Variants in FLT1 observed in about 807,000 individuals in gnomAD.
FLT1 encodes vascular endothelial growth factor receptor 1.
FLT1 carries 49 observed loss-of-function variants against 156.3 expected under a neutral mutation model. The ratio of observed to expected loss-of-function variants is 0.31; its 90% CI spans 0.25 to 0.40. FLT1 has a LOEUF of 0.40. Among genes scored for constraint, FLT1 ranks in the 10% least tolerant of loss-of-function variants. FLT1 has a pLI of 1.00. For missense variants in FLT1, 1,322 were observed against 1,637.2 expected (o/e 0.81, Z 3.32); for synonymous variants, 594 against 583.8 (o/e 1.02, Z -0.25).
At chr13:28,359,710 T>C (rs1044580035) in intron 14 of FLT1, among the ~76,000 whole-genome samples, 1 of 152,150 alleles carries the variant, frequency 6.6e-6, no homozygotes. Flanking sequence ...AATAATCCTA[T>C]TTAAAAATGG....
chr13:28,486,579 A>G (rs1290833005), intron 1 of FLT1, among the ~76,000 whole-genome samples: 1 of 152,228 alleles, frequency 6.6e-6, no homozygotes, highest in African/African-American at 2.4e-5. Context: ...AGCATAAGGC[A>G]GAAGCATAAG....
chr13:28,326,833 T>C (rs1871704440), intron 20 of FLT1, among the ~76,000 whole-genome samples: 1 of 152,146 alleles, frequency 6.6e-6, no homozygotes, highest in African/African-American at 2.4e-5. Flanking sequence ...CCCAATAATC[T>C]CTTTTAAACC....
At chr13:28,403,791 C>A (rs1475584012) in intron 11 of FLT1, among the ~76,000 whole-genome samples, 4 of 152,146 alleles carry the variant, frequency 2.6e-5, no homozygotes, top group Non-Finnish European at 5.9e-5. Context: ...TGCCTGTAAT[C>A]CCAGAACTTT....
At chr13:28,376,556 G>T (rs1873847822) in intron 14 of FLT1, among the ~76,000 whole-genome samples, 1 of 152,088 alleles carries the variant, frequency 6.6e-6, no homozygotes, top group African/African-American at 2.4e-5. Flanking sequence ...GCCTTTTAAT[G>T]ACTCTTTCAG....
In FLT1 at chr13:28,439,658, AGAAGGCAGTCATGT is replaced by A. The variant is rs1210569371; in HGVS notation, c.389-1327_389-1314del. Among the ~76,000 whole-genome samples, 1 of 152,246 alleles carries A rather than the reference AGAAGGCAGTCATGT, an allele frequency of 6.6e-6. No homozygotes were observed. The highest frequency in any genetic ancestry group is 1.9e-4 in the East Asian group (1 of 5,202). On this transcript the variant is annotated intron_variant, in intron 3 of 29. Coordinates refer to ENST00000282397, the MANE Select transcript of FLT1 (RefSeq NM_002019.4). The surrounding 1 kb of genome is among the most constrained non-coding windows in gnomAD (Gnocchi z 4.1). ...ATCCAATGTGATTAGCATCCTTGTA[AGAAGGCAGTCATGT>A]GAAGACAGACAGGGTGTGCAGACTC... is the stretch of plus-strand genomic sequence containing the variant.
chr13:28,490,828 AATG>A (rs570313866), intron 1 of FLT1, among the ~76,000 whole-genome samples: 1 of 152,200 alleles, frequency 6.6e-6, no homozygotes, highest in Admixed American at 6.5e-5. Flanking sequence ...TGCACTGAAA[AATG>A]ATGATATTTA....
intron 29 of FLT1, among the ~76,000 whole-genome samples, chr13:28,305,026 C>T (rs750520592): frequency 1.3e-5 from 2 of 152,126 alleles, no homozygotes; most frequent in Non-Finnish European, 2.9e-5. Flanking sequence ...CATCAGTTTT[C>T]ATTTCTCTTG....
At chr13:28,384,842 G>A (rs779370330) in intron 14 of FLT1, 43 bp downstream of exon 14, 1 of 1,590,592 alleles carries the variant, frequency 6.3e-7, no homozygotes, top group East Asian at 2.2e-5. Context: ...GGGGGCTGAT[G>A]AAAGATGAGA....
chr13:28,448,432 A>G (rs548976983), intron 3 of FLT1, among the ~76,000 whole-genome samples: 1 of 152,382 alleles, frequency 6.6e-6, no homozygotes, highest in African/African-American at 2.4e-5. Context: ...AGAAATAGAA[A>G]GAAATCAAGT....
chr13:28,391,206 C>A (rs2137461887), intron 12 of FLT1, among the ~76,000 whole-genome samples: 2 of 152,310 alleles, frequency 1.3e-5, no homozygotes, highest in Middle Eastern at 3.4e-3. Context: ...TAAACATGTT[C>A]TGAAGGTGGC....
intron 1 of FLT1, among the ~76,000 whole-genome samples, chr13:28,481,082 C>T (rs2137654817): frequency 1.3e-5 from 2 of 152,258 alleles, no homozygotes; most frequent in Admixed American, 1.3e-4. Context: ...ACAATGGCAG[C>T]AATAGTAACA....
At chr13:28,334,687 A>G (rs981350971) in intron 17 of FLT1, among the ~76,000 whole-genome samples, 3 of 152,238 alleles carry the variant, frequency 2.0e-5, no homozygotes, top group Non-Finnish European at 4.4e-5. Context: ...TTAGGTGAAG[A>G]TTACAAATCC....
intron 17 of FLT1, among the ~76,000 whole-genome samples, chr13:28,338,827 G>C (rs9513081): frequency 0.95 from 144,047 of 152,198 alleles, 68,483 homozygotes; most frequent in East Asian, 1. Flanking sequence ...TCTCTCCGCC[G>C]CCCTTCACTT....
intron 10 of FLT1, among the ~76,000 whole-genome samples, chr13:28,417,392 G>A (rs1157317479): frequency 3.3e-5 from 5 of 151,888 alleles, no homozygotes; most frequent in African/African-American, 1.2e-4. Flanking sequence ...TTCAGGGCCC[G>A]GATCCCACCT....
intron 10 of FLT1, among the ~76,000 whole-genome samples, chr13:28,419,887 A>G (rs945339638): frequency 1.3e-5 from 2 of 152,200 alleles, no homozygotes; most frequent in African/African-American, 4.8e-5. Flanking sequence ...TCAAAACAAA[A>G]AACAAAAAAC....
At chr13:28,473,828 A>ACCC in intron 1 of FLT1, among the ~76,000 whole-genome samples, 1 of 122,912 alleles carries the variant, frequency 8.1e-6, no homozygotes, top group African/African-American at 3.8e-5. Flanking sequence ...GAAAGAAAGA[A>ACCC]AGAAAGAAAG....
At chr13:28,375,897 G>A (rs1370469935) in intron 14 of FLT1, among the ~76,000 whole-genome samples, 1 of 152,164 alleles carries the variant, frequency 6.6e-6, no homozygotes, top group Non-Finnish European at 1.5e-5. Flanking sequence ...TTCATGAGAA[G>A]GAAAAGGCAA....
At chr13:28,396,455 C>T (rs952220636) in intron 12 of FLT1, among the ~76,000 whole-genome samples, 5 of 152,044 alleles carry the variant, frequency 3.3e-5, no homozygotes, top group Non-Finnish European at 4.4e-5. Context: ...TTCTTAAATG[C>T]TATCAAAAAA....
intron 3 of FLT1, among the ~76,000 whole-genome samples, chr13:28,451,889 G>A (rs911373705): frequency 6.6e-6 from 1 of 152,228 alleles, no homozygotes; most frequent in African/African-American, 2.4e-5. Flanking sequence ...AACTGGAGGT[G>A]GGACAGGAGG....
Sources: gnomAD v4.1 joint callset for allele counts (sites outside exome capture counted in the v4.1 genomes callset) on GRCh38, gnomAD v4.1.1 for gene constraint, Gnocchi (gnomAD v3.1) non-coding constraint, MANE v1.5 for transcripts, NCBI Gene and HGNC (gene_info 2026-07-23, HGNC 2026-07-21) for gene names.